The following UGP2 variants were observed in gnomAD, a reference collection of about 807,000 sequenced individuals.
UGP2 encodes the protein UTP--glucose-1-phosphate uridylyltransferase.
Under a neutral mutation model 49.0 loss-of-function variants are expected in UGP2, and 40 were observed. The observed-to-expected ratio is 0.82, with a 90% confidence interval of 0.63 to 1.06. UGP2 has a LOEUF of 1.06. Ranked by LOEUF, UGP2 falls within the 50% of genes least tolerant of loss-of-function variation. The probability of loss-of-function intolerance (pLI) is 0.00; values close to 1 mark genes in which losing one functional copy is unlikely to be tolerated. For missense variants in UGP2, 460 were observed against 603.5 expected (o/e 0.76, Z 2.49); for synonymous variants, 225 against 213.0 (o/e 1.06, Z -0.49).
intron 1 of UGP2, among the ~76,000 whole-genome samples, chr2:63,851,322 G>T (rs768114574): frequency 1.3e-5 from 2 of 152,162 alleles, no homozygotes; most frequent in East Asian, 3.9e-4. Flanking sequence ...CCCCTCAAGA[G>T]AATATGTTCT....
intron 3 of UGP2, among the ~76,000 whole-genome samples, chr2:63,878,052 A>G (rs952476795): frequency 1.3e-5 from 2 of 150,962 alleles, no homozygotes; most frequent in East Asian, 1.9e-4. Flanking sequence ...CTTAGGACAC[A>G]TAAGTTGGTT....
intron 1 of UGP2, among the ~76,000 whole-genome samples, chr2:63,844,066 C>A (rs915316658): frequency 2.0e-5 from 3 of 152,162 alleles, no homozygotes; most frequent in African/African-American, 4.8e-5. Context: ...AGTTGTCATA[C>A]ATTTTTACTT....
chr2:63,890,314 T>C, intron 9 of UGP2, 129 bp downstream of exon 9: 1 of 628,776 alleles, frequency 1.6e-6, no homozygotes, highest in East Asian at 2.9e-5. Context: ...CTAGTGTAAT[T>C]ATTTTACTGA....
At position 63,891,162 on chromosome 2, in the gene UGP2, A is replaced by G. The variant is rs1475488877; in HGVS notation, c.1462A>G (p.Ile488Val). 1 of 1,613,818 alleles carries G rather than the reference A, an allele frequency of 6.2e-7. No individual in the cohort carries two copies. The highest frequency in any genetic ancestry group is 8.5e-7 in the Non-Finnish European group (1 of 1,179,836). Residue 488 changes from isoleucine (I) to valine (V), a missense_variant, in exon 10 of 10, where the codon ATC becomes GTC. Physicochemically the swap from Ile to Val is conservative, Grantham distance 29. Coordinates refer to ENST00000337130, the MANE Select transcript of UGP2 (RefSeq NM_006759.4). ...TGCAAATCATGGTGACAGAATTGAT[A>G]TCCCACCTGGAGCAGTATTAGAGAA... ...IIANHGDRID[I>V]PPGAVLENKI...
At chr2:63,875,748 T>G (rs1202302348) in intron 3 of UGP2, among the ~76,000 whole-genome samples, 1 of 152,216 alleles carries the variant, frequency 6.6e-6, no homozygotes, top group African/African-American at 2.4e-5. Flanking sequence ...CTGGACTTTT[T>G]GCCAGGAGCC....
chr2:63,855,520 G>GTTT (rs372160888), intron 1 of UGP2: 3,345 of 193,926 alleles, frequency 0.017, 15 homozygotes, highest in Middle Eastern at 0.04. Flanking sequence ...TTCTTTTTCT[G>GTTT]TTTTTTTTTT....
chr2:63,842,699 T>C, intron 1 of UGP2: 11 of 1,174,056 alleles, frequency 9.4e-6, no homozygotes, highest in Non-Finnish European at 1.2e-5. Context: ...ATTGCGAAAC[T>C]GGGAGTAGCC....
At chr2:63,887,348 G>A in intron 7 of UGP2, 54 bp from the exon 8 acceptor site, 1 of 1,604,568 alleles carries the variant, frequency 6.2e-7, no homozygotes, top group Admixed American at 1.7e-5. Context: ...ATGGAACTAA[G>A]TTGTAGGTGC....
chr2:63,849,926 C>T (rs1243251643), intron 1 of UGP2, among the ~76,000 whole-genome samples: 1 of 152,226 alleles, frequency 6.6e-6, no homozygotes, highest in Non-Finnish European at 1.5e-5. Context: ...CACGGCAGGA[C>T]TACCGGATCA....
At chr2:63,842,246 A>G (rs771055532) in intron 1 of UGP2, 42 bp downstream of exon 1, 1 of 1,607,992 alleles carries the variant, frequency 6.2e-7, no homozygotes, top group Non-Finnish European at 8.5e-7. Context: ...GCTTCAGGCA[A>G]ATTTGGGTAC....
At chr2:63,887,969 TAC>T (rs1362741358) in intron 8 of UGP2, 1 of 260,934 alleles carries the variant, frequency 3.8e-6, no homozygotes, top group Non-Finnish European at 7.5e-6. Context: ...GCCTATCATG[TAC>T]TGGGCAGTGT....
chr2:63,855,209 AAGAATTTAT>A (rs1272463184), intron 1 of UGP2, among the ~76,000 whole-genome samples: 4 of 152,220 alleles, frequency 2.6e-5, no homozygotes, highest in African/African-American at 9.7e-5. Context: ...ATATAAGTGA[AAGAATTTAT>A]AGTAGGTGGA....
chr2:63,845,358 A>G lies in UGP2; in HGVS notation c.19+3154A>G, dbSNP rs563690099. ...TAGGCACATATTAGGTAGCCAGTCA[A>G]TTTTACTTTTCTTTCCTGAAATGAT... On this transcript the variant is annotated intron_variant, in intron 1 of 9. Transcript: ENST00000337130. 9.8e-5 allele frequency among the ~76,000 whole-genome samples: 15 copies of G among 152,304 alleles called. No individual in the cohort carries two copies. The South Asian group carries it at 1.9e-3, about 19-fold the overall frequency.
Position 63,885,708 on chromosome 2 carries a change from A to G in UGP2, c.695A>G (p.Asn232Ser), listed in dbSNP as rs200044468. ...GGTGATATTTACGCCAGTTTCTACAACTCTGGATTGCTTGATACCTTTATA... is the reference window on the plus strand; with the variant it reads ...GGTGATATTTACGCCAGTTTCTACAGCTCTGGATTGCTTGATACCTTTATA... ...GHGDIYASFY[N>S]SGLLDTFIGE... The change falls in exon 6 of 10, where the codon AAC becomes AGC. Residue 232 changes from asparagine to serine, a missense_variant. This residue lies in a region of UGP2 where 317 missense variants were observed against 473.0 expected (regional missense o/e 0.67). Transcript: ENST00000337130. The G allele has an allele frequency of 1.9e-6, 3 of 1,613,894 alleles. No homozygotes were observed. Among genetic ancestry groups the G allele is most frequent in the African/African-American group, 1.3e-5 (1 of 74,968 alleles).
At position 63,885,572 on chromosome 2, in the gene UGP2, C is replaced by CT. The variant is rs751800377; in HGVS notation, c.576-5dup. ...CTACAGGGTCAATATTGAAAAAGAA[C>CT]TTTTTTTTTTTTAAAGGTACCCGAG... is the stretch of plus-strand genomic sequence containing the variant. On this transcript the variant is annotated splice_polypyrimidine_tract_variant and intron_variant, in intron 5 of 9. Transcript: ENST00000337130. The CT allele has an allele frequency of 0.024, 23,550 of 976,892 alleles. No individual in the cohort carries two copies. Among genetic ancestry groups the CT allele is most frequent in the South Asian group, 0.044 (2,279 of 51,606 alleles). The allele number at this position is 976,892 out of a possible 1,614,324, so 60.5% of individuals were successfully genotyped here.
chr2:63,884,170 GT>G (rs1671505388), intron 5 of UGP2, 77 bp downstream of exon 5: 2 of 1,532,528 alleles, frequency 1.3e-6, no homozygotes, highest in Non-Finnish European at 8.8e-7. Context: ...TAACAGAGCA[GT>G]TTCAAGATGT....
At position 63,887,297 on chromosome 2, in the gene UGP2, A is replaced by G. The variant is rs551013336; in HGVS notation, c.1072-105A>G. ...AAAAAAAATTTTTTTTTTTCCATCA[A>G]TGGATCTCTGAAATCACTTCCCAAA... is the stretch of plus-strand genomic sequence containing the variant. On this transcript the variant is annotated intron_variant, in intron 7 of 9. Transcript: ENST00000337130. 1.3e-3 allele frequency: 1,981 copies of G among 1,495,220 alleles called. 14 individuals are homozygous for G. The Middle Eastern group carries it at 0.026, about 20-fold the overall frequency. The allele number at this position is 1,495,220 out of a possible 1,614,324, so 92.6% of individuals were successfully genotyped here.
intron 3 of UGP2, among the ~76,000 whole-genome samples, chr2:63,859,514 T>C (rs529776490): frequency 6.6e-6 from 1 of 152,130 alleles, no homozygotes; most frequent in Admixed American, 6.6e-5. Context: ...GAAGTGGGGG[T>C]CAGAGGGTGG....
chr2:63,887,842 G>A lies in UGP2; in HGVS notation c.1314+198G>A, dbSNP rs1671795917. On this transcript the variant is annotated intron_variant, in intron 8 of 9. Transcript: ENST00000337130. ...ACATTTGAAACATGATTGCCATATG[G>A]AGAGTAGAAAATAATCTTTAAATTT... 5 of 716,356 alleles carry A rather than the reference G, an allele frequency of 7.0e-6. No individual in the cohort carries two copies. The South Asian group carries it at 1.1e-4, about 16-fold the overall frequency. The allele number at this position is 716,356 out of a possible 1,614,324, so 44.4% of individuals were successfully genotyped here. A position where few individuals can be genotyped will look rare whatever the true frequency, so the allele number is the denominator to read the frequency against.
Sources: allele counts gnomAD v4.1 joint callset (sites outside exome capture counted in the v4.1 genomes callset), GRCh38; gene constraint gnomAD v4.1.1; regional missense constraint gnomAD v4.1.1; transcripts MANE v1.5; gene names NCBI Gene and HGNC (gene_info 2026-07-23, HGNC 2026-07-21).